CNTN4: variants seen among roughly 807,000 people sequenced by gnomAD.
CNTN4 encodes the protein contactin-4.
A neutral mutation model predicts 122.5 loss-of-function variants in CNTN4; 77 were observed. That is an observed-to-expected ratio of 0.63 (90% confidence interval 0.52 to 0.76). The LOEUF (loss-of-function observed/expected upper bound fraction) is 0.76, where lower values mean the gene tolerates loss of function less well. Ranked by LOEUF, CNTN4 falls within the 30% of genes least tolerant of loss-of-function variation. The pLI is 0.00. For synonymous variants in CNTN4, 512 were observed against 447.0 expected (o/e 1.15, Z -1.83); for missense variants, 1,256 against 1,259.1 (o/e 1.00, Z 0.04).
At chr3:2,353,289 G>A (rs2044719398) in intron 3 of CNTN4, among the ~76,000 whole-genome samples, 1 of 152,164 alleles carries the variant, frequency 6.6e-6, no homozygotes, top group Admixed American at 6.5e-5. Flanking sequence ...ACACCAATCA[G>A]CACCCTATCA....
chr3:2,566,181 G>A (rs978798343), intron 3 of CNTN4, among the ~76,000 whole-genome samples: 2 of 152,170 alleles, frequency 1.3e-5, no homozygotes, highest in Non-Finnish European at 2.9e-5. Flanking sequence ...AGAGAAAGGA[G>A]TCACCATCAG....
chr3:2,281,277 G>A (rs2149897299), intron 2 of CNTN4, among the ~76,000 whole-genome samples: 1 of 152,202 alleles, frequency 6.6e-6, no homozygotes, highest in South Asian at 2.1e-4. Context: ...CAATCTGCTT[G>A]TCAATGAAGT....
intron 13 of CNTN4, among the ~76,000 whole-genome samples, chr3:2,941,023 T>C (rs2094610188): frequency 6.6e-6 from 1 of 152,222 alleles, no homozygotes; most frequent in African/African-American, 2.4e-5. Flanking sequence ...AAAATTGTTA[T>C]AGAAAAAATG....
At chr3:2,331,480 A>G (rs898982825) in intron 2 of CNTN4, among the ~76,000 whole-genome samples, 1 of 152,188 alleles carries the variant, frequency 6.6e-6, no homozygotes, top group Non-Finnish European at 1.5e-5. Context: ...TATGATTATG[A>G]CAACCAAAAA....
intron 11 of CNTN4, among the ~76,000 whole-genome samples, 198 bp downstream of exon 11, chr3:2,901,019 G>T (rs1290911092): frequency 6.6e-6 from 1 of 152,184 alleles, no homozygotes; most frequent in Non-Finnish European, 1.5e-5. Context: ...TTTCAATTAA[G>T]CTCTTGCACT....
intron 13 of CNTN4, among the ~76,000 whole-genome samples, chr3:2,982,504 G>A (rs1694125538): frequency 6.6e-6 from 1 of 152,072 alleles, no homozygotes; most frequent in South Asian, 2.1e-4. Flanking sequence ...CTTTCTCTTG[G>A]GCTCTGTTTG....
intron 14 of CNTN4, among the ~76,000 whole-genome samples, chr3:3,013,160 C>T (rs1697402795): frequency 6.6e-6 from 1 of 151,986 alleles, no homozygotes; most frequent in Non-Finnish European, 1.5e-5. Flanking sequence ...AATCCATTAA[C>T]TCATTTTGAA....
chr3:2,750,606 A>T (rs1314119104), intron 6 of CNTN4, among the ~76,000 whole-genome samples: 1 of 152,150 alleles, frequency 6.6e-6, no homozygotes, highest in African/African-American at 2.4e-5. Flanking sequence ...TTGTAATGTA[A>T]TTGGGAGCAC....
chr3:2,424,348 CAAT>C (rs2047735253), intron 3 of CNTN4, among the ~76,000 whole-genome samples: 1 of 151,668 alleles, frequency 6.6e-6, no homozygotes, highest in African/African-American at 2.4e-5. Context: ...AGTTTGCTGA[CAAT>C]GATGGTTTCC....
At chr3:2,816,278 CA>C in intron 6 of CNTN4, among the ~76,000 whole-genome samples, 1 of 147,552 alleles carries the variant, frequency 6.8e-6, no homozygotes, top group African/African-American at 2.7e-5. Context: ...GGCGTGAACC[CA>C]GGAGGCAGAG....
At chr3:2,804,206 C>T (rs1420384419) in intron 6 of CNTN4, among the ~76,000 whole-genome samples, 1 of 152,070 alleles carries the variant, frequency 6.6e-6, no homozygotes, top group Non-Finnish European at 1.5e-5. Context: ...GGCAATGCTT[C>T]ATTTGTTACA....
chr3:2,260,322 A>C (rs993653313), intron 2 of CNTN4, among the ~76,000 whole-genome samples: 2 of 152,244 alleles, frequency 1.3e-5, no homozygotes, highest in East Asian at 3.9e-4. Flanking sequence ...TGTGATAATC[A>C]AAAATGTTTT....
chr3:2,672,916 T>C (rs907372473), intron 4 of CNTN4, among the ~76,000 whole-genome samples: 4 of 152,176 alleles, frequency 2.6e-5, no homozygotes, highest in Non-Finnish European at 5.9e-5. Context: ...AGTAGGAGCT[T>C]ACATTCGAGT....
At chr3:2,119,937 G>C (rs2033609973) in intron 2 of CNTN4, among the ~76,000 whole-genome samples, 1 of 152,084 alleles carries the variant, frequency 6.6e-6, no homozygotes, top group African/African-American at 2.4e-5. Flanking sequence ...TGCATAATGT[G>C]GGCAGGATCT....
At chr3:2,946,565 A>G (rs565786213) in intron 13 of CNTN4, among the ~76,000 whole-genome samples, 1 of 152,334 alleles carries the variant, frequency 6.6e-6, no homozygotes, top group African/African-American at 2.4e-5. Flanking sequence ...TGGCAAGCAC[A>G]GTATATTAGC....
At chr3:2,846,212 C>T (rs188871222) in intron 7 of CNTN4, among the ~76,000 whole-genome samples, 1 of 152,244 alleles carries the variant, frequency 6.6e-6, no homozygotes, top group East Asian at 1.9e-4. Context: ...AATTGTAGTT[C>T]CCATAATCCC....
At chr3:2,462,907 A>G (rs946032557) in intron 3 of CNTN4, among the ~76,000 whole-genome samples, 6 of 152,168 alleles carry the variant, frequency 3.9e-5, no homozygotes, top group African/African-American at 1.4e-4. Flanking sequence ...TATAAAAATT[A>G]TTAATGGGAT....
rs112759380 is a variant in CNTN4 at position 2,443,470 on chromosome 3, C to T, written c.-89+104237C>T. ...CTTTCTCTCCCTTTAACCACCAGGG[C>T]GACTGCCCTTTTATTAGTTTCTTAG... On this transcript the variant is annotated intron_variant, in intron 3 of 24. Transcript: ENST00000418658. 3.8e-3 allele frequency among the ~76,000 whole-genome samples: 586 copies of T among 152,290 alleles called. 4 individuals carry two copies. The highest frequency in any genetic ancestry group is 0.014 in the African/African-American group (572 of 41,572).
intron 6 of CNTN4, among the ~76,000 whole-genome samples, chr3:2,802,022 G>C (rs2092360155): frequency 6.6e-6 from 1 of 152,126 alleles, no homozygotes; most frequent in African/African-American, 2.4e-5. Context: ...TCTAGTTGCT[G>C]CTACTATTAT....
Sources: allele counts gnomAD v4.1 joint callset (sites outside exome capture counted in the v4.1 genomes callset), GRCh38; gene constraint gnomAD v4.1.1; transcripts MANE v1.5; gene names NCBI Gene and HGNC (gene_info 2026-07-23, HGNC 2026-07-21).